Variants in NTM observed in about 807,000 individuals in gnomAD.
The protein encoded by NTM is IgLON family member 2.
A neutral mutation model predicts 42.1 loss-of-function variants in NTM; 13 were observed. The ratio of observed to expected loss-of-function variants is 0.31; its 90% CI spans 0.20 to 0.49. The LOEUF (loss-of-function observed/expected upper bound fraction) is 0.49. Ranked by LOEUF, NTM falls within the 20% of genes least tolerant of loss-of-function variation. The probability of loss-of-function intolerance (pLI) is 0.99; values close to 1 mark genes in which losing one functional copy is unlikely to be tolerated. For synonymous variants in NTM, 187 were observed against 179.2 expected (o/e 1.04, Z -0.35); for missense variants, 373 against 452.8 (o/e 0.82, Z 1.60).
chr11:131,667,087 G>A (rs1240667884), intron 1 of NTM, among the ~76,000 whole-genome samples: 6 of 152,234 alleles, frequency 3.9e-5, no homozygotes, highest in African/African-American at 1.2e-4. Flanking sequence ...AAGGAAGTAA[G>A]TGGGTTTCAG....
chr11:132,183,788 G>T (rs1363559375), intron 3 of NTM, among the ~76,000 whole-genome samples: 1 of 151,814 alleles, frequency 6.6e-6, no homozygotes, highest in Non-Finnish European at 1.5e-5. Flanking sequence ...ACAAATTTAG[G>T]CCATCACTAG....
chr11:131,775,641 A>G (rs927523335), intron 1 of NTM, among the ~76,000 whole-genome samples: 3 of 152,232 alleles, frequency 2.0e-5, no homozygotes, highest in Non-Finnish European at 4.4e-5. Flanking sequence ...CCATCCAAAA[A>G]GAGTAGTCCT....
At chr11:131,423,323 T>C (rs1157939703) in intron 1 of NTM, among the ~76,000 whole-genome samples, 1 of 152,212 alleles carries the variant, frequency 6.6e-6, no homozygotes, top group Non-Finnish European at 1.5e-5. Flanking sequence ...ATAGGGGATT[T>C]AAATTCAATT....
chr11:132,296,436 T>G (rs1215349725), intron 4 of NTM, among the ~76,000 whole-genome samples: 1 of 152,236 alleles, frequency 6.6e-6, no homozygotes, highest in Non-Finnish European at 1.5e-5. Context: ...TTCCCACGTG[T>G]TAATCATTCT....
intron 1 of NTM, among the ~76,000 whole-genome samples, chr11:131,574,772 T>G (rs899476979): frequency 1.3e-5 from 2 of 152,086 alleles, no homozygotes; most frequent in Non-Finnish European, 2.9e-5. Flanking sequence ...GGGAAGTCAC[T>G]TGTCTCCCCA....
intron 1 of NTM, among the ~76,000 whole-genome samples, chr11:131,520,619 T>C (rs1046000380): frequency 2.6e-5 from 4 of 152,224 alleles, no homozygotes; most frequent in African/African-American, 9.6e-5. Flanking sequence ...TCCTTCCAAA[T>C]ACAGTTGATC....
At chr11:131,809,263 TG>T (rs2092640134) in intron 1 of NTM, among the ~76,000 whole-genome samples, 1 of 152,226 alleles carries the variant, frequency 6.6e-6, no homozygotes, top group Non-Finnish European at 1.5e-5. Flanking sequence ...ACAGTGCTGA[TG>T]GGTCAGCTGG....
At chr11:131,839,214 G>A (rs998795146) in intron 1 of NTM, among the ~76,000 whole-genome samples, 5 of 150,012 alleles carry the variant, frequency 3.3e-5, no homozygotes, top group African/African-American at 5.1e-5. Context: ...CGCCCGCCTC[G>A]GCCTCCCAAA....
chr11:131,872,936 G>A (rs2047946351), intron 1 of NTM, among the ~76,000 whole-genome samples: 4 of 152,034 alleles, frequency 2.6e-5, no homozygotes, highest in Admixed American at 2.6e-4. Context: ...TTCCACAATG[G>A]TTGAACTCAT....
At chr11:131,797,996 A>T (rs1591930806) in intron 1 of NTM, among the ~76,000 whole-genome samples, 2 of 128,944 alleles carry the variant, frequency 1.6e-5, no homozygotes, top group Admixed American at 1.2e-4. Flanking sequence ...TTATGAAATT[A>T]AAAAAAAATG....
chr11:131,873,586 C>T lies in NTM; in HGVS notation c.83-37978C>T, dbSNP rs535231626. Among the ~76,000 whole-genome samples the T allele has an allele frequency of 9.2e-4, 37 of 40,014 alleles. 4 individuals are homozygous for T. The highest frequency in any genetic ancestry group is 1.9e-3 in the African/African-American group (36 of 18,872). 26.3% of individuals were successfully genotyped at this position (40,014 alleles called of 152,430 possible). ...CCGTATATATATACATATATATATA[C>T]CGTATATATATACATATATATATAC... On this transcript the variant is annotated intron_variant, in intron 1 of 8. Transcript: ENST00000683400.
intron 1 of NTM, among the ~76,000 whole-genome samples, chr11:131,796,939 T>C (rs1049859657): frequency 6.6e-6 from 1 of 152,264 alleles, no homozygotes; most frequent in East Asian, 1.9e-4. Context: ...GAGCAATTCA[T>C]TGAAAATATT....
At chr11:131,538,954 A>G (rs2052739347) in intron 1 of NTM, 1 of 45,432 alleles carries the variant, frequency 2.2e-5, no homozygotes, top group Non-Finnish European at 7.7e-5. Flanking sequence ...TTTTTTTGAG[A>G]AAAGGTCTTG....
intron 1 of NTM, among the ~76,000 whole-genome samples, chr11:131,477,230 A>C (rs1953044263): frequency 6.6e-6 from 1 of 152,198 alleles, no homozygotes; most frequent in African/African-American, 2.4e-5. Flanking sequence ...TAGTCATAAC[A>C]AATCTCCATC....
At chr11:132,028,767 G>T (rs1454716763) in intron 2 of NTM, among the ~76,000 whole-genome samples, 2 of 152,024 alleles carry the variant, frequency 1.3e-5, no homozygotes, top group African/African-American at 4.8e-5. Context: ...TTCTATTGAG[G>T]GCAGGCCTTC....
In NTM at chr11:131,387,754, G is replaced by A. The variant is rs1019386302; in HGVS notation, c.82+16866G>A. Among the ~76,000 whole-genome samples the A allele has an allele frequency of 2.6e-5, 4 of 151,956 alleles. No homozygotes were observed. The South Asian group carries it at 6.2e-4, about 24-fold the overall frequency. On this transcript the variant is annotated intron_variant, in intron 1 of 8. Coordinates refer to ENST00000683400, the MANE Select transcript of NTM (RefSeq NM_001352005.2). The stretch of plus-strand genomic sequence containing the variant: ...CCCCATAAATACACACAAATATTAT[G>A]TATCAATAAAAACATTTGTAAAAAG...
intron 2 of NTM, among the ~76,000 whole-genome samples, chr11:132,085,131 T>C (rs944191337): frequency 6.6e-6 from 1 of 152,252 alleles, no homozygotes; most frequent in African/African-American, 2.4e-5. Flanking sequence ...CTTTATCTTA[T>C]CTAATTTAAA....
chr11:132,267,968 T>C (rs1359149321), intron 4 of NTM, among the ~76,000 whole-genome samples: 1 of 151,924 alleles, frequency 6.6e-6, no homozygotes, highest in Non-Finnish European at 1.5e-5. Flanking sequence ...TAGAAAGAAA[T>C]GATAGTCAAA....
chr11:131,725,062 G>T (rs187121599), intron 1 of NTM, among the ~76,000 whole-genome samples: 2 of 152,114 alleles, frequency 1.3e-5, no homozygotes, highest in Non-Finnish European at 2.9e-5. Context: ...AATTCTCATC[G>T]TGATGCAAGG....
Sources: gnomAD v4.1 joint callset for allele counts (sites outside exome capture counted in the v4.1 genomes callset) on GRCh38, gnomAD v4.1.1 for gene constraint, MANE v1.5 for transcripts, NCBI Gene and HGNC (gene_info 2026-07-23, HGNC 2026-07-21) for gene names.